The following DOCK4 variants were observed in gnomAD, a reference collection of about 807,000 sequenced individuals.
The protein encoded by DOCK4 is dedicator of cytokinesis 4.
Under a neutral mutation model 268.1 loss-of-function variants are expected in DOCK4, and 97 were observed. The observed-to-expected ratio is 0.36, with a 90% confidence interval of 0.31 to 0.43. The LOEUF (loss-of-function observed/expected upper bound fraction) is 0.43. Among genes scored for constraint, DOCK4 ranks in the 20% least tolerant of loss-of-function variants. DOCK4 has a pLI of 1.00. For missense variants in DOCK4, 2,145 were observed against 2,455.7 expected (o/e 0.87, Z 2.67); for synonymous variants, 954 against 887.2 (o/e 1.08, Z -1.34).
At chr7:111,901,468 T>C (rs1389663275) in intron 14 of DOCK4, among the ~76,000 whole-genome samples, 1 of 152,142 alleles carries the variant, frequency 6.6e-6, no homozygotes, top group African/African-American at 2.4e-5. Flanking sequence ...AGACTGCGTT[T>C]TTCTGCTCTC....
At chr7:112,067,901 T>C (rs944872124) in intron 1 of DOCK4, among the ~76,000 whole-genome samples, 1 of 152,202 alleles carries the variant, frequency 6.6e-6, no homozygotes, top group Admixed American at 6.5e-5. Context: ...ATTAGCATTT[T>C]TGGTGAAAGA....
intron 8 of DOCK4, among the ~76,000 whole-genome samples, chr7:111,975,239 C>A (rs1282865632): frequency 6.6e-6 from 1 of 152,140 alleles, no homozygotes; most frequent in African/African-American, 2.4e-5. Context: ...TGAGTTCCAG[C>A]CTGGGTGACA....
rs35033313 is a variant in DOCK4, at chr7:111,791,070, T to TTATATATATATA, written c.3167-477_3167-466dup. On this transcript the variant is annotated intron_variant, in intron 30 of 52. Coordinates refer to ENST00000428084, the MANE Select transcript of DOCK4 (RefSeq NM_001363540.2). The stretch of plus-strand genomic sequence containing the variant: ...AAGACTCTGTCTCAAAAAAAAAAAA[T>TTATATATATATA]TATATATATATATATATATATATAT... Among the ~76,000 whole-genome samples, 265 of 95,420 alleles carry TTATATATATATA rather than the reference T, an allele frequency of 2.8e-3. 2 individuals carry two copies. Among genetic ancestry groups the TTATATATATATA allele is most frequent in the African/African-American group, 0.011 (174 of 16,516 alleles). 62.6% of individuals were successfully genotyped at this position (95,420 alleles called of 152,430 possible).
chr7:111,856,789 C>T (rs1370509511), intron 23 of DOCK4, among the ~76,000 whole-genome samples: 2 of 152,098 alleles, frequency 1.3e-5, no homozygotes, highest in African/African-American at 4.8e-5. Flanking sequence ...ACTGAAGGAA[C>T]AAAACACTAA....
At chr7:112,186,974 CA>C (rs1819536570) in intron 1 of DOCK4, among the ~76,000 whole-genome samples, 1 of 152,128 alleles carries the variant, frequency 6.6e-6, no homozygotes, top group Non-Finnish European at 1.5e-5. Flanking sequence ...ACTAATTAAA[CA>C]CTTTTGTTTC....
intron 13 of DOCK4, among the ~76,000 whole-genome samples, chr7:111,910,118 A>G (rs1586341584): frequency 1.3e-5 from 2 of 152,232 alleles, no homozygotes; most frequent in Non-Finnish European, 2.9e-5. Context: ...CTAAAGAAAT[A>G]GGGTACAGGC....
At chr7:111,930,983 G>C (rs1794154046) in intron 12 of DOCK4, among the ~76,000 whole-genome samples, 1 of 152,166 alleles carries the variant, frequency 6.6e-6, no homozygotes, top group Admixed American at 6.5e-5. Flanking sequence ...AAGAGGCTTA[G>C]GGCTGGGTTT....
At chr7:112,108,301 G>A (rs1380191176) in intron 1 of DOCK4, among the ~76,000 whole-genome samples, 2 of 152,048 alleles carry the variant, frequency 1.3e-5, no homozygotes, top group East Asian at 3.8e-4. Context: ...AATCTGTTAG[G>A]TGTCAAACAA....
In DOCK4 at chr7:111,727,977, A is replaced by G. The variant is rs1160182620; in HGVS notation, c.*297T>C. ...TTGACAATATCGTATTGGTTTTAAG[A>G]TTAAACTATATAAAAAAAAGTGAAC... On this transcript the variant is annotated 3_prime_UTR_variant, in exon 53 of 53. Transcript: ENST00000428084. 6 of 305,492 alleles carry G rather than the reference A, an allele frequency of 2.0e-5. No individual in the cohort carries two copies. The East Asian group carries it at 3.2e-4, about 16-fold the overall frequency. 18.9% of individuals were successfully genotyped at this position (305,492 alleles called of 1,614,324 possible).
intron 6 of DOCK4, among the ~76,000 whole-genome samples, chr7:111,985,261 T>C (rs1024411028): frequency 2.6e-5 from 4 of 152,152 alleles, no homozygotes; most frequent in African/African-American, 9.7e-5. Context: ...TCTCAAAGGC[T>C]ACACAACGCC....
intron 1 of DOCK4, among the ~76,000 whole-genome samples, chr7:112,157,497 A>C (rs1816729049): frequency 6.6e-6 from 1 of 152,204 alleles, no homozygotes; most frequent in Admixed American, 6.5e-5. Flanking sequence ...TTTAGCATCA[A>C]GGATTTTTAA....
chr7:112,089,372 T>C (rs1415330880), intron 1 of DOCK4, among the ~76,000 whole-genome samples: 1 of 152,158 alleles, frequency 6.6e-6, no homozygotes, highest in Non-Finnish European at 1.5e-5. Flanking sequence ...TGACCTCCCA[T>C]TCTCCACCAG....
At chr7:111,917,649 T>C (rs1428842798) in intron 12 of DOCK4, among the ~76,000 whole-genome samples, 1 of 149,518 alleles carries the variant, frequency 6.7e-6, no homozygotes, top group African/African-American at 2.5e-5. Flanking sequence ...GAGCTTGCAG[T>C]GAGCCGAGAT....
chr7:112,126,393 G>A (rs538837730), intron 1 of DOCK4, among the ~76,000 whole-genome samples: 1 of 152,204 alleles, frequency 6.6e-6, no homozygotes, highest in South Asian at 2.1e-4. Context: ...TAAGAGTGGT[G>A]AGTTAAACAC....
At position 112,206,185 on chromosome 7, in the gene DOCK4, C is replaced by A; in HGVS notation, c.-47G>T. 6.5e-7 allele frequency: 1 copy of A among 1,546,460 alleles called. No individual in the cohort carries two copies. The highest frequency in any genetic ancestry group is 8.8e-7 in the Non-Finnish European group (1 of 1,141,236). On this transcript the variant is annotated 5_prime_UTR_variant, in exon 1 of 53. It adds an upstream start codon to the 5' untranslated region. Transcript: ENST00000428084. ...TTCAGGCTTTGTAATCCCCGCGCCC[C>A]TTCTCCGGCTCACAACAATGCACAG... is the stretch of plus-strand genomic sequence containing the variant.
At chr7:111,862,713 A>G (rs911185345) in intron 23 of DOCK4, among the ~76,000 whole-genome samples, 10 of 151,924 alleles carry the variant, frequency 6.6e-5, no homozygotes, top group Admixed American at 2.6e-4. Context: ...GCTGGTCTTG[A>G]ACTCCTGACC....
intron 26 of DOCK4, among the ~76,000 whole-genome samples, chr7:111,825,919 C>T (rs571994907): frequency 8.5e-5 from 13 of 152,138 alleles, no homozygotes; most frequent in Non-Finnish European, 1.2e-4. Flanking sequence ...TGATCACTAA[C>T]ATGTACTGAT....
intron 1 of DOCK4, among the ~76,000 whole-genome samples, chr7:112,063,512 A>AT (rs1491334579): frequency 6.6e-6 from 1 of 152,244 alleles, no homozygotes; most frequent in African/African-American, 2.4e-5. Context: ...GTTTTATAAT[A>AT]GAGTGTGGAA....
chr7:111,856,038 G>T (rs1350903426), intron 23 of DOCK4, among the ~76,000 whole-genome samples: 1 of 152,166 alleles, frequency 6.6e-6, no homozygotes, highest in African/African-American at 2.4e-5. Context: ...GACTCCATCT[G>T]CTGGTGCTTG....
Sources: gnomAD v4.1 joint callset for allele counts (sites outside exome capture counted in the v4.1 genomes callset) on GRCh38, gnomAD v4.1.1 for gene constraint, MANE v1.5 for transcripts, NCBI Gene and HGNC (gene_info 2026-07-23, HGNC 2026-07-21) for gene names.